The following SLC26A9 variants were observed in gnomAD, a reference collection of about 807,000 sequenced individuals.
The protein encoded by SLC26A9 is anion transporter/exchanger protein 9.
A neutral mutation model predicts 87.1 loss-of-function variants in SLC26A9; 46 were observed. The ratio of observed to expected loss-of-function variants is 0.53; its 90% CI spans 0.42 to 0.67. SLC26A9 has a LOEUF of 0.67. SLC26A9 is among the 30% of genes least tolerant of loss of function. SLC26A9 has a pLI of 0.00. For synonymous variants in SLC26A9, 437 were observed against 409.1 expected (o/e 1.07, Z -0.82); for missense variants, 927 against 1,018.3 (o/e 0.91, Z 1.22).
At position 205,914,308 on chromosome 1, in the gene SLC26A9, T is replaced by C. The variant is rs971546141; in HGVS notation, c.*1049A>G. ...GGGCCACAGGCTGATAAGGAAGAGT[T>C]AACATGATTGGCTCTTTGCCAGGTA... On this transcript the variant is annotated 3_prime_UTR_variant, in exon 21 of 21. Transcript: ENST00000367135. 4 of 153,134 alleles carry C rather than the reference T, an allele frequency of 2.6e-5. No individual in the cohort carries two copies. Among genetic ancestry groups the C allele is most frequent in the African/African-American group, 7.2e-5 (3 of 41,446 alleles). 9.5% of individuals were successfully genotyped at this position (153,134 alleles called of 1,614,324 possible). A position where few individuals can be genotyped will look rare whatever the true frequency, so the allele number is the denominator to read the frequency against.
chr1:205,926,366 T>C (rs1393603232), intron 12 of SLC26A9, among the ~76,000 whole-genome samples, 169 bp downstream of exon 12: 1 of 152,168 alleles, frequency 6.6e-6, no homozygotes, highest in Non-Finnish European at 1.5e-5. Flanking sequence ...GAGTTAGGGT[T>C]TGAACATAGG....
chr1:205,918,899 C>A lies in SLC26A9; in HGVS notation c.2197G>T (p.Ala733Ser). ...CKHVFPSIHD[A>S]VLFAQANARD... is the part of the protein sequence containing the mutation. ...GCATTTGCCTGGGCAAAGAGGACTG[C>A]GTCATGTATGCTGGGAAAGACGTGC... Residue 733 changes from alanine (A) to serine (S), a missense_variant, in exon 19 of 21, where the codon GCA (alanine) becomes TCA (serine). Coordinates refer to ENST00000367135, the MANE Select transcript of SLC26A9 (RefSeq NM_052934.4). 5 of 1,614,204 alleles carry A rather than the reference C, an allele frequency of 3.1e-6. No homozygotes were observed. Among genetic ancestry groups the A allele is most frequent in the Non-Finnish European group, 4.2e-6 (5 of 1,180,024 alleles).
At chr1:205,927,685 G>C (rs1223498800) in intron 9 of SLC26A9, 80 bp from the exon 10 acceptor site, 1 of 1,443,988 alleles carries the variant, frequency 6.9e-7, no homozygotes, top group Non-Finnish European at 9.5e-7. Context: ...ATGCAAGCTG[G>C]ACTGTGGGCC....
chr1:205,923,556 C>T lies in SLC26A9; in HGVS notation c.1554G>A (p.Lys518=). The change falls in exon 14 of 21, where the codon AAG becomes AAA. Residue 518 remains lysine, a synonymous_variant. Coordinates refer to ENST00000367135, the MANE Select transcript of SLC26A9 (RefSeq NM_052934.4). ...VMDTDIYVNP[K]TYNRAQDIQG... ...TTGAATTACCTACCCTATTATAGGT[C>T]TTGGGATTCACATAAATGTCAGTGT... 6 of 1,614,168 alleles carry T rather than the reference C, an allele frequency of 3.7e-6. No individual in the cohort carries two copies. Among genetic ancestry groups the T allele is most frequent in the Non-Finnish European group, 5.1e-6 (6 of 1,180,046 alleles).
At chr1:205,918,297 G>A (rs1010134366) in intron 19 of SLC26A9, among the ~76,000 whole-genome samples, 1 of 150,860 alleles carries the variant, frequency 6.6e-6, no homozygotes, top group African/African-American at 2.5e-5. Flanking sequence ...AGTTTTAGAT[G>A]GTGTTATTTG....
intron 20 of SLC26A9, among the ~76,000 whole-genome samples, 186 bp downstream of exon 20, chr1:205,917,097 T>TAAA (rs397957046): frequency 1.8e-5 from 2 of 111,024 alleles, no homozygotes; most frequent in South Asian, 5.9e-4. Flanking sequence ...TGTCTCAAAT[T>TAAA]AAAAAAAAAA....
intron 1 of SLC26A9, among the ~76,000 whole-genome samples, chr1:205,937,711 C>A (rs993036905): frequency 6.6e-5 from 10 of 152,174 alleles, no homozygotes; most frequent in African/African-American, 2.4e-4. Flanking sequence ...TGGTCTCACT[C>A]TTCCTCTCCA....
Position 205,921,217 on chromosome 1 carries a change from A to C in SLC26A9, c.2055+349T>G, listed in dbSNP as rs534451232. On this transcript the variant is annotated intron_variant, in intron 17 of 20. Coordinates refer to ENST00000367135, the MANE Select transcript of SLC26A9 (RefSeq NM_052934.4). ...CCGGTGAATGAGGGACAAGGGCAGC[A>C]GATCATGAACCAGGAGCCAAACCGG... 2.0e-4 allele frequency among the ~76,000 whole-genome samples: 30 copies of C among 152,330 alleles called. 1 individual carries two copies. The South Asian group carries it at 6.0e-3, about 31-fold the overall frequency.
intron 1 of SLC26A9, among the ~76,000 whole-genome samples, chr1:205,942,110 A>G (rs1269158868): frequency 6.6e-6 from 1 of 152,220 alleles, no homozygotes; most frequent in East Asian, 1.9e-4. Context: ...GTACGGTTTA[A>G]GAGGCACTCT....
At chr1:205,921,957 T>C in intron 16 of SLC26A9, 110 bp from the exon 17 acceptor site, 1 of 1,346,506 alleles carries the variant, frequency 7.4e-7, no homozygotes, top group Non-Finnish European at 1.0e-6. Context: ...ATAACTCGCC[T>C]CGGTGATGGT....
chr1:205,918,801 G>T, intron 19 of SLC26A9, 39 bp downstream of exon 19: 1 of 1,595,244 alleles, frequency 6.3e-7, no homozygotes, highest in South Asian at 1.1e-5. Context: ...CTATTTCAGT[G>T]CCTTGGAGCC....
intron 9 of SLC26A9, 141 bp from the exon 10 acceptor site, chr1:205,927,746 G>C: frequency 7.1e-7 from 1 of 1,404,904 alleles, no homozygotes. Context: ...TCCCAGTCAA[G>C]AGGAGGTCAG....
chr1:205,915,374 T>C lies in SLC26A9; in HGVS notation c.2359A>G (p.Thr787Ala). The C allele has an allele frequency of 6.2e-7, 1 of 1,613,914 alleles. No individual in the cohort carries two copies. Among genetic ancestry groups the C allele is most frequent in the Non-Finnish European group, 8.5e-7 (1 of 1,179,992 alleles). Residue 787 changes from threonine to alanine, a missense_variant, in exon 21 of 21, where the codon ACC (threonine) becomes GCC (alanine). Coordinates refer to ENST00000367135, the MANE Select transcript of SLC26A9 (RefSeq NM_052934.4). ...EMFGSMFHAETLTAL is the reference protein window; with the variant it reads ...EMFGSMFHAEALTAL Reference sequence around the variant, plus strand: ...CTGAGCCCTCACAGGGCGGTCAGGGTCTCTGCGTGAAACATGCTCCCGAAC... The same window carrying C: ...CTGAGCCCTCACAGGGCGGTCAGGGCCTCTGCGTGAAACATGCTCCCGAAC...
At position 205,939,512 on chromosome 1, in the gene SLC26A9, G is replaced by A. The variant is rs535462111; in HGVS notation, c.-18-3674C>T. On this transcript the variant is annotated intron_variant, in intron 1 of 20. Coordinates refer to ENST00000367135, the MANE Select transcript of SLC26A9 (RefSeq NM_052934.4). ...CTGCCCCAGCTCCTGCTGAGAAGGC[G>A]CCCTCAACATACTTCCTAATTCCAA... 1.1e-4 allele frequency among the ~76,000 whole-genome samples: 16 copies of A among 152,238 alleles called. No homozygotes were observed. In the South Asian group the frequency reaches 1.9e-3, roughly 18 times the overall value.
intron 11 of SLC26A9, 32 bp downstream of exon 11, chr1:205,927,179 C>T (rs375871121): frequency 2.2e-5 from 36 of 1,610,670 alleles, no homozygotes; most frequent in Admixed American, 2.0e-4. Flanking sequence ...TGGAGTCTTT[C>T]GTTGACTTCT....
At chr1:205,937,187 T>A (rs976645901) in intron 1 of SLC26A9, among the ~76,000 whole-genome samples, 1 of 151,754 alleles carries the variant, frequency 6.6e-6, no homozygotes, top group Non-Finnish European at 1.5e-5. Flanking sequence ...GATCCCAAGG[T>A]CCACTTGAAC....
Position 205,932,178 on chromosome 1 carries a change from CCACT to C in SLC26A9, c.377-147_377-144del, listed in dbSNP as rs1419345566. On this transcript the variant is annotated intron_variant, in intron 4 of 20. Transcript: ENST00000367135. ...CTCTTCTCCAACACAATAATAACAA[CCACT>C]CACTCTAACCATGATCTATGCTTTT... 5 of 939,480 alleles carry C rather than the reference CCACT, an allele frequency of 5.3e-6. No individual in the cohort carries two copies. The African/African-American group carries it at 8.3e-5, about 16-fold the overall frequency. The allele number at this position is 939,480 out of a possible 1,614,324, so 58.2% of individuals were successfully genotyped here.
intron 2 of SLC26A9, among the ~76,000 whole-genome samples, chr1:205,933,552 C>G (rs1295203221): frequency 1.3e-5 from 2 of 152,222 alleles, no homozygotes; most frequent in African/African-American, 2.4e-5. Flanking sequence ...CCACGCATGG[C>G]AAGAAGTCTA....
At chr1:205,937,509 G>A (rs1659556331) in intron 1 of SLC26A9, among the ~76,000 whole-genome samples, 1 of 152,210 alleles carries the variant, frequency 6.6e-6, no homozygotes, top group Non-Finnish European at 1.5e-5. Context: ...ATCTGTAAAT[G>A]GGGATAATAA....
Sources: gnomAD v4.1 joint callset for allele counts (sites outside exome capture counted in the v4.1 genomes callset) on GRCh38, gnomAD v4.1.1 for gene constraint, MANE v1.5 for transcripts, NCBI Gene and HGNC (gene_info 2026-07-23, HGNC 2026-07-21) for gene names.